RAET1E: variants seen among roughly 807,000 people sequenced by gnomAD.
The protein encoded by RAET1E is retinoic acid early transcript 1E, also known as NKG2D ligand 4.
RAET1E carries 27 observed loss-of-function variants against 21.1 expected under a neutral mutation model. That is an observed-to-expected ratio of 1.28 (90% confidence interval 0.94 to 1.76). The LOEUF is 1.76. Ranked by LOEUF, RAET1E falls within the 40% of genes most tolerant of loss-of-function variation. RAET1E has a pLI of 0.00. For synonymous variants in RAET1E, 113 were observed against 115.0 expected, an observed-to-expected ratio of 0.98 and a Z score of 0.11; for missense variants, 310 against 311.3, an observed-to-expected ratio of 1.00 and a Z score of 0.03.
Position 149,886,064 on chromosome 6 carries a change from C to T in RAET1E, c.*2434G>A, listed in dbSNP as rs1777595417. 6.6e-6 allele frequency among the ~76,000 whole-genome samples: 1 copy of T among 152,118 alleles called. No individual in the cohort carries two copies. Among genetic ancestry groups the T allele is most frequent in the African/African-American group, 2.4e-5 (1 of 41,410 alleles). ...GTCAGGTAAGAAAGAAAATTCCAGGCAGAGATGAGCATGAGCAAAAAATTT... is the reference window on the plus strand; with the variant it reads ...GTCAGGTAAGAAAGAAAATTCCAGGTAGAGATGAGCATGAGCAAAAAATTT... On this transcript the variant is annotated 3_prime_UTR_variant, in exon 6 of 6. Coordinates refer to ENST00000357183, the MANE Select transcript of RAET1E (RefSeq NM_001394057.1).
At chr6:149,893,997 A>G (rs1277654979) in intron 2 of RAET1E, among the ~76,000 whole-genome samples, 1 of 152,156 alleles carries the variant, frequency 6.6e-6, no homozygotes, top group Non-Finnish European at 1.5e-5. Context: ...TATGTGATGG[A>G]TTACGTTTAT....
chr6:149,890,958 T>C lies in RAET1E; in HGVS notation c.-57A>G. On this transcript the variant is annotated 5_prime_UTR_variant, in exon 3 of 6. Coordinates refer to ENST00000357183, the MANE Select transcript of RAET1E (RefSeq NM_001394057.1). ...GTGTACACATTCACCCTCACTGGTA[T>C]GGTGAAGAAATGTTATCCAACAGCG... The C allele has an allele frequency of 8.1e-7, 1 of 1,236,410 alleles. No homozygotes were observed. The highest frequency in any genetic ancestry group is 1.2e-6 in the Non-Finnish European group (1 of 840,776). The allele number at this position is 1,236,410 out of a possible 1,614,324, so 76.6% of individuals were successfully genotyped here.
In RAET1E at chr6:149,895,846, C is replaced by T. The variant is rs543263819; in HGVS notation, c.-134G>A. 6.6e-6 allele frequency: 1 copy of T among 152,352 alleles called. No homozygotes were observed. The highest frequency in any genetic ancestry group is 2.4e-5 in the African/African-American group (1 of 41,572). The allele number at this position is 152,352 out of a possible 1,614,324, so 9.4% of individuals were successfully genotyped here. On this transcript the variant is annotated splice_region_variant and 5_prime_UTR_variant, in exon 2 of 6. Transcript: ENST00000357183. ...GAAACACCAAGCATTTATTTCTTAC[C>T]TTCCTGGAAGATGGGAAGTCCAAGA...
In RAET1E at chr6:149,896,033, C is replaced by G. The variant is rs1294766334; in HGVS notation, c.-320-1G>C. The G allele has an allele frequency of 1.3e-5, 2 of 152,172 alleles. No homozygotes were observed. The highest frequency in any genetic ancestry group is 4.8e-5 in the African/African-American group (2 of 41,448). 9.4% of individuals were successfully genotyped at this position (152,172 alleles called of 1,614,324 possible). A position where few individuals can be genotyped will look rare whatever the true frequency, so the allele number is the denominator to read the frequency against. ...CTCCACTCACATGAGTTATGACTTC[C>G]TAAATAGCATCACCTTGAGAATTAG... is the stretch of plus-strand genomic sequence containing the variant. On this transcript the variant is annotated splice_acceptor_variant, in intron 1 of 5. Coordinates refer to ENST00000357183, the MANE Select transcript of RAET1E (RefSeq NM_001394057.1). LOFTEE classifies it low-confidence loss of function (5UTR_SPLICE).
At chr6:149,893,230 C>A (rs929422156) in intron 2 of RAET1E, among the ~76,000 whole-genome samples, 2 of 152,170 alleles carry the variant, frequency 1.3e-5, no homozygotes, top group Admixed American at 1.3e-4. Flanking sequence ...TTTTCCAGTT[C>A]TGTGAAGAAA....
intron 2 of RAET1E, among the ~76,000 whole-genome samples, chr6:149,891,660 G>A (rs1162695197): frequency 6.6e-6 from 1 of 152,190 alleles, no homozygotes; most frequent in Non-Finnish European, 1.5e-5. Flanking sequence ...GATGAGGCAG[G>A]AGGATCACTT....
Position 149,884,622 on chromosome 6 carries a change from T to C in RAET1E, c.*3876A>G, listed in dbSNP as rs1244757966. ...TCTCTCAGGGAGAGATCAGCCGCTATTGTTCACATTCTGCCTCTCTGTCAT... is the reference window on the plus strand; with the variant it reads ...TCTCTCAGGGAGAGATCAGCCGCTACTGTTCACATTCTGCCTCTCTGTCAT... On this transcript the variant is annotated 3_prime_UTR_variant, in exon 6 of 6. Coordinates refer to ENST00000357183, the MANE Select transcript of RAET1E (RefSeq NM_001394057.1). 1 of 851,082 alleles carries C rather than the reference T, an allele frequency of 1.2e-6. No individual in the cohort carries two copies. Among genetic ancestry groups the C allele is most frequent in the Admixed American group, 2.1e-5 (1 of 47,928 alleles). The allele number at this position is 851,082 out of a possible 1,614,324, so 52.7% of individuals were successfully genotyped here. A position where few individuals can be genotyped will look rare whatever the true frequency, so the allele number is the denominator to read the frequency against.
chr6:149,890,614 C>T (rs1368900918), intron 3 of RAET1E, among the ~76,000 whole-genome samples: 1 of 152,152 alleles, frequency 6.6e-6, no homozygotes, highest in African/African-American at 2.4e-5. Context: ...TAGAACTGCC[C>T]TCTGTGAGCC....
intron 1 of RAET1E, among the ~76,000 whole-genome samples, chr6:149,896,646 G>T (rs992799269): frequency 7.2e-6 from 1 of 139,006 alleles, no homozygotes; most frequent in East Asian, 2.0e-4. Flanking sequence ...GTGTGTGTTT[G>T]TGTGTGTGTG....
At chr6:149,895,789 C>G (rs1338296677) in intron 2 of RAET1E, 57 bp downstream of exon 2, 2 of 152,274 alleles carry the variant, frequency 1.3e-5, no homozygotes, top group East Asian at 3.8e-4. Flanking sequence ...TTAGCCAGTT[C>G]AGGCTGCTAC....
chr6:149,894,755 C>T (rs1398175225), intron 2 of RAET1E, among the ~76,000 whole-genome samples: 1 of 152,088 alleles, frequency 6.6e-6, no homozygotes, highest in Non-Finnish European at 1.5e-5. Context: ...TTATTATTCA[C>T]CTTCTGAAGG....
rs1777516479 is a variant in RAET1E, at chr6:149,884,331, T to G, written c.*4167A>C. ...AAAATTTTTTTTTTTTGAGACGGAGTCTTGCTCTGTTGCCAAGACTGGAAT... is the reference window on the plus strand; with the variant it reads ...AAAATTTTTTTTTTTTGAGACGGAGGCTTGCTCTGTTGCCAAGACTGGAAT... On this transcript the variant is annotated 3_prime_UTR_variant, in exon 6 of 6. Transcript: ENST00000357183. 5 of 686,506 alleles carry G rather than the reference T, an allele frequency of 7.3e-6. No individual in the cohort carries two copies. Among genetic ancestry groups the G allele is most frequent in the Non-Finnish European group, 1.2e-5 (5 of 408,206 alleles). The allele number at this position is 686,506 out of a possible 1,614,324, so 42.5% of individuals were successfully genotyped here. A position where few individuals can be genotyped will look rare whatever the true frequency, so the allele number is the denominator to read the frequency against.
chr6:149,889,853 G>T, intron 4 of RAET1E, 32 bp downstream of exon 4: 1 of 1,602,178 alleles, frequency 6.2e-7, no homozygotes, highest in South Asian at 1.1e-5. Context: ...CTTACTGCCT[G>T]CCTCTGTTTG....
At chr6:149,890,356 G>A (rs1387652217) in intron 3 of RAET1E, among the ~76,000 whole-genome samples, 1 of 152,126 alleles carries the variant, frequency 6.6e-6, no homozygotes, top group Non-Finnish European at 1.5e-5. Context: ...CCCCTGGGGT[G>A]CACTTAGTGT....
In RAET1E at chr6:149,884,741, G is replaced by A. The variant is rs755812265; in HGVS notation, c.*3757C>T. Reference sequence around the variant, plus strand: ...GGGGTTCAGAGCCAAGGAAGGCAAAGTATCAGTGGGAACACAGTGGGAAGG... The same window carrying A: ...GGGGTTCAGAGCCAAGGAAGGCAAAATATCAGTGGGAACACAGTGGGAAGG... On this transcript the variant is annotated 3_prime_UTR_variant, in exon 6 of 6. Coordinates refer to ENST00000357183, the MANE Select transcript of RAET1E (RefSeq NM_001394057.1). Among the ~76,000 whole-genome samples, 3 of 152,214 alleles carry A rather than the reference G, an allele frequency of 2.0e-5. No individual in the cohort carries two copies. The South Asian group carries it at 6.2e-4, about 32-fold the overall frequency.
At chr6:149,892,003 C>T (rs770445312) in intron 2 of RAET1E, among the ~76,000 whole-genome samples, 50 of 152,148 alleles carry the variant, frequency 3.3e-4, no homozygotes, top group Admixed American at 3.1e-3. Flanking sequence ...CTTGTGATAG[C>T]TTGCTGAGAA....
At position 149,888,221 on chromosome 6, in the gene RAET1E, C is replaced by T. The variant is rs746466369; in HGVS notation, c.*277G>A. 1.9e-5 allele frequency: 13 copies of T among 668,858 alleles called. No homozygotes were observed. The highest frequency in any genetic ancestry group is 3.1e-5 in the East Asian group (1 of 31,842). 41.4% of individuals were successfully genotyped at this position (668,858 alleles called of 1,614,324 possible). On this transcript the variant is annotated 3_prime_UTR_variant, in exon 6 of 6. Coordinates refer to ENST00000357183, the MANE Select transcript of RAET1E (RefSeq NM_001394057.1). ...TGAGCTAAATCACGGTAAACGCAGA[C>T]AGCAAACAAACTTTCCGTCAAAGAG... is the stretch of plus-strand genomic sequence containing the variant.
At chr6:149,888,962 G>T in intron 5 of RAET1E, 1 of 783,502 alleles carries the variant, frequency 1.3e-6, no homozygotes. Context: ...GACACAATGG[G>T]TGGTGCTTAA....
In RAET1E at chr6:149,889,884, C is replaced by A; in HGVS notation, c.346+1G>T. On this transcript the variant is annotated splice_donor_variant, in intron 4 of 5. Coordinates refer to ENST00000357183, the MANE Select transcript of RAET1E (RefSeq NM_001394057.1). LOFTEE classifies it high-confidence loss of function. ...GTTTGCCCACCCCATTCCACACTTA[C>A]CACTGGTCTTTATCTGGGGTTTGAT... 6.2e-7 allele frequency: 1 copy of A among 1,613,224 alleles called. No individual in the cohort carries two copies. Among genetic ancestry groups the A allele is most frequent in the Non-Finnish European group, 8.5e-7 (1 of 1,179,396 alleles).
Sources: allele counts gnomAD v4.1 joint callset (sites outside exome capture counted in the v4.1 genomes callset), GRCh38; gene constraint gnomAD v4.1.1; transcripts MANE v1.5; gene names NCBI Gene and HGNC (gene_info 2026-07-23, HGNC 2026-07-21).